BTC: variants seen among roughly 807,000 people sequenced by gnomAD.
The protein encoded by BTC is probetacellulin.
In BTC, 13 loss-of-function variants were observed where a neutral mutation model predicts 18.1. That is an observed-to-expected ratio of 0.72 (90% CI 0.47 to 1.14). The LOEUF (loss-of-function observed/expected upper bound fraction) is 1.14, where lower values mean the gene tolerates loss of function less well. Ranked by LOEUF, BTC falls within the 50% of genes most tolerant of loss-of-function variation. The pLI is 0.00. For synonymous variants in BTC, 83 were observed against 79.4 expected, an observed-to-expected ratio of 1.05 and a Z score of -0.24; for missense variants, 247 against 224.2, an observed-to-expected ratio of 1.10 and a Z score of -0.65.
chr4:74,784,688 G>A (rs2109917047), intron 1 of BTC, among the ~76,000 whole-genome samples: 1 of 152,196 alleles, frequency 6.6e-6, no homozygotes, highest in Admixed American at 6.5e-5. Flanking sequence ...ATAATCATGT[G>A]GTTTTTGTCT....
At chr4:74,769,159 T>A (rs1724976775) in intron 2 of BTC, among the ~76,000 whole-genome samples, 1 of 152,156 alleles carries the variant, frequency 6.6e-6, no homozygotes. Flanking sequence ...TCCCAGTTCA[T>A]AGAAGTTTCC....
At chr4:74,770,613 G>C (rs1468804060) in intron 1 of BTC, among the ~76,000 whole-genome samples, 1 of 152,078 alleles carries the variant, frequency 6.6e-6, no homozygotes, top group Non-Finnish European at 1.5e-5. Context: ...TTTGATCCAT[G>C]AGAATTCTTT....
At chr4:74,770,255 A>T (rs531764622) in intron 1 of BTC, 99 bp from the exon 2 acceptor site, 1 of 947,676 alleles carries the variant, frequency 1.1e-6, no homozygotes. Flanking sequence ...TATGAAAATA[A>T]CAAGACTATG....
chr4:74,761,950 C>G (rs530743327), intron 2 of BTC, among the ~76,000 whole-genome samples: 1 of 152,318 alleles, frequency 6.6e-6, no homozygotes, highest in African/African-American at 2.4e-5. Flanking sequence ...CATTACCTCT[C>G]TTTCTCTGTT....
intron 2 of BTC, among the ~76,000 whole-genome samples, chr4:74,761,036 G>T (rs1382995990): frequency 3.9e-5 from 6 of 151,966 alleles, no homozygotes; most frequent in African/African-American, 7.3e-5. Flanking sequence ...GCCTGGCCTA[G>T]CATGTCTTTT....
At chr4:74,774,147 T>G (rs375125216) in intron 1 of BTC, among the ~76,000 whole-genome samples, 28 of 152,322 alleles carry the variant, frequency 1.8e-4, no homozygotes, top group African/African-American at 5.5e-4. Flanking sequence ...GTTTCAGCAG[T>G]GGATAATATT....
intron 1 of BTC, among the ~76,000 whole-genome samples, chr4:74,779,410 C>T (rs75961339): frequency 0.13 from 20,299 of 152,020 alleles, 1,863 homozygotes; most frequent in African/African-American, 0.25. Context: ...ATAGGAACTC[C>T]AAAATAATCT....
intron 1 of BTC, among the ~76,000 whole-genome samples, chr4:74,772,932 C>T (rs1725082411): frequency 6.6e-6 from 1 of 152,194 alleles, no homozygotes; most frequent in Non-Finnish European, 1.5e-5. Flanking sequence ...GGCTATGGCC[C>T]AGGCTCCTTC....
rs782119835 is a variant in BTC, at chr4:74,745,133, C to A, written c.*1544G>T. On this transcript the variant is annotated 3_prime_UTR_variant, in exon 6 of 6. Coordinates refer to ENST00000395743, the MANE Select transcript of BTC (RefSeq NM_001729.4). ...GAGACTTTTGAAAATAAGGCATATACAACATGGATCAGTTGGATATAATTG... is the reference window on the plus strand; with the variant it reads ...GAGACTTTTGAAAATAAGGCATATAAAACATGGATCAGTTGGATATAATTG... 2 of 152,174 alleles carry A rather than the reference C, an allele frequency of 1.3e-5. No homozygotes were observed. Among genetic ancestry groups the A allele is most frequent in the Non-Finnish European group, 2.9e-5 (2 of 68,040 alleles). 9.4% of individuals were successfully genotyped at this position (152,174 alleles called of 1,614,324 possible).
At chr4:74,791,320 C>A (rs965809050) in intron 1 of BTC, among the ~76,000 whole-genome samples, 1 of 150,076 alleles carries the variant, frequency 6.7e-6, no homozygotes, top group Non-Finnish European at 1.5e-5. Flanking sequence ...TGAGCCTGAG[C>A]GAAAGAGTGA....
chr4:74,772,933 AG>A (rs1725082530), intron 1 of BTC, among the ~76,000 whole-genome samples: 1 of 152,204 alleles, frequency 6.6e-6, no homozygotes, highest in South Asian at 2.1e-4. Flanking sequence ...GCTATGGCCC[AG>A]GCTCCTTCCG....
chr4:74,755,986 G>T lies in BTC; in HGVS notation c.164-10C>A. The T allele has an allele frequency of 6.3e-7, 1 of 1,599,662 alleles. No individual in the cohort carries two copies. Among genetic ancestry groups the T allele is most frequent in the Non-Finnish European group, 8.6e-7 (1 of 1,166,942 alleles). ...GATTGTGTGGTGGTAGCTGGAAAAT[G>T]AGAAAAAGTTCAATAAATCAACTCT... On this transcript the variant is annotated splice_polypyrimidine_tract_variant and intron_variant, in intron 2 of 5. Transcript: ENST00000395743.
chr4:74,768,790 G>A (rs1724964822), intron 2 of BTC, among the ~76,000 whole-genome samples: 1 of 152,172 alleles, frequency 6.6e-6, no homozygotes, highest in African/African-American at 2.4e-5. Context: ...GGATGATGAT[G>A]AGGAAGATTT....
At chr4:74,747,244 G>T (rs1457505783) in intron 5 of BTC, among the ~76,000 whole-genome samples, 8 of 152,192 alleles carry the variant, frequency 5.3e-5, no homozygotes, top group Admixed American at 5.2e-4. Context: ...GTCTCCAGGA[G>T]ACTGGCCACT....
At position 74,794,304 on chromosome 4, in the gene BTC, T is replaced by C. The variant is rs1232615572; in HGVS notation, c.22A>G (p.Ser8Gly). MDRAARCSGASSLPLLLA... is the reference protein window; with the variant it reads MDRAARCGGASSLPLLLA... Reference sequence around the variant, plus strand: ...AGCAGTGGCAGGGAGCTGGCGCCGCTGCACCGGGCGGCCCGGTCCATCAAC... The same window carrying C: ...AGCAGTGGCAGGGAGCTGGCGCCGCCGCACCGGGCGGCCCGGTCCATCAAC... The change falls in exon 1 of 6, where the codon AGC becomes GGC. Residue 8 changes from serine to glycine, a missense_variant. Ser to Gly is a moderately conservative substitution (Grantham distance 56). Coordinates refer to ENST00000395743, the MANE Select transcript of BTC (RefSeq NM_001729.4). 8 of 1,548,392 alleles carry C rather than the reference T, an allele frequency of 5.2e-6. No individual in the cohort carries two copies. The East Asian group carries it at 1.5e-4, about 28-fold the overall frequency.
intron 3 of BTC, among the ~76,000 whole-genome samples, chr4:74,751,949 T>A (rs1367393059): frequency 6.6e-6 from 1 of 152,220 alleles, no homozygotes; most frequent in Non-Finnish European, 1.5e-5. Flanking sequence ...AAAGATTAAA[T>A]TCTGCTCCTT....
rs576296277 is a variant in BTC at position 74,767,344 on chromosome 4, A to G, written c.163+2714T>C. On this transcript the variant is annotated intron_variant, in intron 2 of 5. Coordinates refer to ENST00000395743, the MANE Select transcript of BTC (RefSeq NM_001729.4). ...AATAAGCTAATTTACGATAGCATCA[A>G]AAAGAATAAAACACGTAGGAATAAA... Among the ~76,000 whole-genome samples the G allele has an allele frequency of 5.9e-5, 9 of 152,152 alleles. No individual in the cohort carries two copies. In the East Asian group the frequency reaches 1.5e-3, roughly 26 times the overall value.
chr4:74,765,653 T>C (rs1465991272), intron 2 of BTC, among the ~76,000 whole-genome samples: 4 of 149,784 alleles, frequency 2.7e-5, no homozygotes, highest in African/African-American at 7.4e-5. Context: ...TTCAAAAACA[T>C]AAACCCAAAG....
At chr4:74,793,904 G>A (rs1317971549) in intron 1 of BTC, among the ~76,000 whole-genome samples, 1 of 118,986 alleles carries the variant, frequency 8.4e-6, no homozygotes, top group African/African-American at 3.3e-5. Flanking sequence ...ACCCTCACTT[G>A]CGAGCACAGC....
Sources: allele counts gnomAD v4.1 joint callset (sites outside exome capture counted in the v4.1 genomes callset), GRCh38; gene constraint gnomAD v4.1.1; transcripts MANE v1.5; gene names NCBI Gene and HGNC (gene_info 2026-07-23, HGNC 2026-07-21).